The following DCC variants were observed in gnomAD, a reference collection of about 807,000 sequenced individuals.
The protein encoded by DCC is netrin receptor DCC.
DCC carries 58 observed loss-of-function variants against 172.5 expected under a neutral mutation model. The observed-to-expected ratio is 0.34, with a 90% CI of 0.27 to 0.42. DCC has a LOEUF of 0.42. Ranked by LOEUF, DCC falls within the 10% of genes least tolerant of loss-of-function variation. DCC has a pLI of 1.00. For missense variants in DCC, 1,740 were observed against 1,791.0 expected (o/e 0.97, Z 0.51); for synonymous variants, 709 against 644.5 (o/e 1.10, Z -1.52).
chr18:53,339,930 A>T (rs766106213), intron 15 of DCC, 23 bp downstream of exon 15: 3 of 1,592,278 alleles, frequency 1.9e-6, no homozygotes, highest in South Asian at 2.2e-5. Context: ...GATTTTTTTT[A>T]TTCTATTAAG....
At chr18:53,376,220 T>C (rs1175271639) in intron 15 of DCC, among the ~76,000 whole-genome samples, 4 of 151,980 alleles carry the variant, frequency 2.6e-5, no homozygotes, top group Non-Finnish European at 4.4e-5. Flanking sequence ...GGTGAAACAC[T>C]GTCTCTACTG....
chr18:52,520,588 C>T (rs1353291308), intron 1 of DCC, among the ~76,000 whole-genome samples: 1 of 152,104 alleles, frequency 6.6e-6, no homozygotes. Context: ...TTCACACCAC[C>T]CCTGACTTGT....
chr18:53,424,337 A>G (rs1910788052), intron 21 of DCC, among the ~76,000 whole-genome samples: 1 of 152,218 alleles, frequency 6.6e-6, no homozygotes, highest in African/African-American at 2.4e-5. Flanking sequence ...GTGGATTACT[A>G]TGTATCCAGT....
chr18:53,483,617 T>C (rs1195729310), intron 25 of DCC, among the ~76,000 whole-genome samples: 1 of 151,918 alleles, frequency 6.6e-6, no homozygotes, highest in African/African-American at 2.4e-5. Flanking sequence ...AAACATGATC[T>C]ATTTTTATGT....
intron 2 of DCC, among the ~76,000 whole-genome samples, chr18:52,799,595 TAA>T (rs2037943503): frequency 6.6e-6 from 1 of 152,206 alleles, no homozygotes; most frequent in South Asian, 2.1e-4. Flanking sequence ...CCCAAATACC[TAA>T]AGTTAATTCC....
chr18:53,030,740 C>CG (rs1240569239), intron 5 of DCC, among the ~76,000 whole-genome samples: 1 of 152,078 alleles, frequency 6.6e-6, no homozygotes, highest in Non-Finnish European at 1.5e-5. Flanking sequence ...TATTTTAGAA[C>CG]GGAGCACAGT....
At chr18:53,268,234 C>A (rs1307403540) in intron 12 of DCC, among the ~76,000 whole-genome samples, 1 of 152,060 alleles carries the variant, frequency 6.6e-6, no homozygotes, top group Admixed American at 6.5e-5. Context: ...CCTAAAGCAT[C>A]ATGATTTTTA....
At chr18:52,855,887 T>G (rs1201664955) in intron 2 of DCC, among the ~76,000 whole-genome samples, 1 of 151,680 alleles carries the variant, frequency 6.6e-6, no homozygotes, top group Non-Finnish European at 1.5e-5. Flanking sequence ...TGCCTCAGCT[T>G]CCTAAGTAGC....
At chr18:52,813,074 T>C (rs2038230215) in intron 2 of DCC, among the ~76,000 whole-genome samples, 1 of 152,210 alleles carries the variant, frequency 6.6e-6, no homozygotes, top group East Asian at 1.9e-4. Context: ...TAGCTATGTT[T>C]TAAAGAAAAT....
intron 12 of DCC, among the ~76,000 whole-genome samples, chr18:53,294,501 T>C (rs12969090): frequency 1.3e-5 from 2 of 152,074 alleles, no homozygotes; most frequent in South Asian, 2.1e-4. Context: ...GAGCGCTAAA[T>C]CAGGTAACAT....
intron 1 of DCC, among the ~76,000 whole-genome samples, chr18:52,666,081 G>A (rs893271611): frequency 7.6e-4 from 115 of 152,192 alleles, no homozygotes; most frequent in African/African-American, 2.7e-3. Context: ...CAGGTCAGGA[G>A]TTCAAGACCA....
chr18:53,069,414 G>T (rs1033148537), intron 7 of DCC, among the ~76,000 whole-genome samples: 2 of 152,114 alleles, frequency 1.3e-5, no homozygotes, highest in Non-Finnish European at 2.9e-5. Context: ...AAGGCTGAAG[G>T]TTTCTTGAAA....
intron 5 of DCC, among the ~76,000 whole-genome samples, chr18:52,995,877 C>T (rs551037928): frequency 6.6e-6 from 1 of 151,786 alleles, no homozygotes; most frequent in Non-Finnish European, 1.5e-5. Context: ...CCCTAGCACT[C>T]CCCAGCTTTT....
At chr18:52,560,144 T>G (rs1031981645) in intron 1 of DCC, among the ~76,000 whole-genome samples, 2 of 152,190 alleles carry the variant, frequency 1.3e-5, no homozygotes, top group African/African-American at 2.4e-5. Context: ...AAAGGCAAGA[T>G]AGTGAATTGT....
intron 2 of DCC, among the ~76,000 whole-genome samples, chr18:52,784,177 AAT>A (rs1330839078): frequency 6.6e-6 from 1 of 152,018 alleles, no homozygotes; most frequent in Non-Finnish European, 1.5e-5. Context: ...GAGATCATGC[AAT>A]ATCTGTTTCT....
intron 1 of DCC, among the ~76,000 whole-genome samples, chr18:52,542,274 AT>A (rs1322516137): frequency 6.6e-6 from 1 of 152,086 alleles, no homozygotes; most frequent in Admixed American, 6.5e-5. Context: ...CTGAAAAAAA[AT>A]AAATGAGTGT....
intron 5 of DCC, among the ~76,000 whole-genome samples, chr18:53,046,327 A>T (rs28718037): frequency 1.8e-4 from 27 of 151,646 alleles, no homozygotes; most frequent in African/African-American, 5.8e-4. Flanking sequence ...TAAGCAATGC[A>T]TTAATGCTTG....
chr18:52,504,203 A>G (rs1598871219), intron 1 of DCC, among the ~76,000 whole-genome samples: 2 of 151,928 alleles, frequency 1.3e-5, no homozygotes, highest in South Asian at 2.1e-4. Context: ...TTAATACTCT[A>G]CTCTATATCT....
intron 2 of DCC, among the ~76,000 whole-genome samples, chr18:52,863,724 A>C (rs1378945850): frequency 2.0e-5 from 3 of 151,902 alleles, no homozygotes; most frequent in African/African-American, 2.4e-5. Context: ...ATTTACAGCT[A>C]TTTAATCTAT....
Sources: allele counts gnomAD v4.1 joint callset (sites outside exome capture counted in the v4.1 genomes callset), GRCh38; gene constraint gnomAD v4.1.1; transcripts MANE v1.5; gene names NCBI Gene and HGNC (gene_info 2026-07-23, HGNC 2026-07-21).